The following DLG2 variants were observed in gnomAD, a reference collection of about 807,000 sequenced individuals.
DLG2 encodes the protein disks large homolog 2.
DLG2 carries 45 observed loss-of-function variants against 132.5 expected under a neutral mutation model. That is an observed-to-expected ratio of 0.34 (90% confidence interval 0.27 to 0.44). The LOEUF (loss-of-function observed/expected upper bound fraction) is 0.44, where lower values mean the gene tolerates loss of function less well. Ranked by LOEUF, DLG2 falls within the 20% of genes least tolerant of loss-of-function variation. DLG2 has a pLI of 1.00. For missense variants in DLG2, 1,045 were observed against 1,196.9 expected (o/e 0.87, Z 1.87); for synonymous variants, 424 against 419.6 (o/e 1.01, Z -0.13).
intron 18 of DLG2, among the ~76,000 whole-genome samples, chr11:83,706,215 C>CT (rs2083952204): frequency 8.1e-6 from 1 of 123,106 alleles, no homozygotes. Flanking sequence ...AAGACTCCAT[C>CT]TAAAAAAAAA....
At chr11:84,106,476 C>T (rs966899829) in intron 9 of DLG2, among the ~76,000 whole-genome samples, 1 of 152,000 alleles carries the variant, frequency 6.6e-6, no homozygotes, top group African/African-American at 2.4e-5. Flanking sequence ...TTTTTAAATG[C>T]TATCTAATAA....
chr11:83,513,076 T>C (rs2095120687), intron 21 of DLG2, among the ~76,000 whole-genome samples: 1 of 152,230 alleles, frequency 6.6e-6, no homozygotes, highest in Non-Finnish European at 1.5e-5. Context: ...CAAATGGTAT[T>C]TCTAGTTCTA....
chr11:83,587,702 G>A (rs1186407633), intron 19 of DLG2, among the ~76,000 whole-genome samples: 2 of 152,210 alleles, frequency 1.3e-5, no homozygotes, highest in Middle Eastern at 3.2e-3. Context: ...CAGAAGACGG[G>A]TGATTTCTGC....
At position 85,560,889 on chromosome 11, in the gene DLG2, A is replaced by G. The variant is rs558245885; in HGVS notation, c.40+37768T>C. Among the ~76,000 whole-genome samples, 6 of 151,392 alleles carry G rather than the reference A, an allele frequency of 4.0e-5. No individual in the cohort carries two copies. In the East Asian group the frequency reaches 9.7e-4, roughly 25 times the overall value. ...TCTACAAAAAATTTAAAAATTAGCC[A>G]GGTGTGATGGTGTGTGCTTGTAATC... On this transcript the variant is annotated intron_variant, in intron 3 of 27. Transcript: ENST00000376104.
At chr11:84,833,284 G>A (rs1290236937) in intron 6 of DLG2, among the ~76,000 whole-genome samples, 1 of 151,588 alleles carries the variant, frequency 6.6e-6, no homozygotes, top group Admixed American at 6.6e-5. Context: ...AGCAGGCAGA[G>A]GTAGCTGAAA....
At chr11:85,012,618 CA>C (rs1313625495) in intron 6 of DLG2, among the ~76,000 whole-genome samples, 1 of 151,794 alleles carries the variant, frequency 6.6e-6, no homozygotes. Flanking sequence ...AGTGGTAATA[CA>C]AATAATGAAA....
chr11:83,523,442 T>TA (rs1377134009), intron 21 of DLG2, among the ~76,000 whole-genome samples: 1 of 152,196 alleles, frequency 6.6e-6, no homozygotes, highest in African/African-American at 2.4e-5. Context: ...AGTTCATATG[T>TA]AAAAATCTTC....
intron 6 of DLG2, among the ~76,000 whole-genome samples, chr11:84,586,927 A>AT (rs1372196623): frequency 1.3e-5 from 2 of 152,316 alleles, no homozygotes; most frequent in Admixed American, 6.5e-5. Context: ...GTAATCTTAT[A>AT]TTGGGTTTCC....
At chr11:83,529,252 T>C (rs1357327165) in intron 21 of DLG2, among the ~76,000 whole-genome samples, 1 of 152,170 alleles carries the variant, frequency 6.6e-6, no homozygotes, top group Non-Finnish European at 1.5e-5. Flanking sequence ...CAATGACTTA[T>C]TCCTGTAGTC....
intron 19 of DLG2, among the ~76,000 whole-genome samples, chr11:83,595,202 A>G (rs994889168): frequency 1.3e-5 from 2 of 152,196 alleles, no homozygotes; most frequent in African/African-American, 4.8e-5. Context: ...GTTTTCTCCC[A>G]GCTCTTGGGT....
At chr11:84,986,773 A>C (rs955837541) in intron 6 of DLG2, among the ~76,000 whole-genome samples, 4 of 152,212 alleles carry the variant, frequency 2.6e-5, no homozygotes, top group African/African-American at 7.2e-5. Flanking sequence ...AGTGTAATAA[A>C]AGCCATCTAT....
At chr11:84,259,342 T>G (rs1217925939) in intron 7 of DLG2, among the ~76,000 whole-genome samples, 1 of 152,202 alleles carries the variant, frequency 6.6e-6, no homozygotes, top group East Asian at 1.9e-4. Context: ...TTCCTAGATT[T>G]TCTTCTCCTT....
intron 4 of DLG2, among the ~76,000 whole-genome samples, chr11:85,247,303 G>T (rs977306189): frequency 6.6e-6 from 1 of 152,000 alleles, no homozygotes; most frequent in Middle Eastern, 3.2e-3. Context: ...TACTGCTGCT[G>T]CATTTGCCTA....
At chr11:85,097,195 T>C (rs897963590) in intron 6 of DLG2, among the ~76,000 whole-genome samples, 5 of 152,204 alleles carry the variant, frequency 3.3e-5, no homozygotes, top group African/African-American at 9.6e-5. Flanking sequence ...CTGGTGCTTT[T>C]TTAGTTTCTC....
intron 8 of DLG2, among the ~76,000 whole-genome samples, chr11:84,245,156 T>C (rs907083664): frequency 5.3e-5 from 8 of 152,296 alleles, no homozygotes; most frequent in South Asian, 2.1e-4. Flanking sequence ...TCATTGCTAA[T>C]TCAATTGTGT....
intron 4 of DLG2, among the ~76,000 whole-genome samples, chr11:85,178,144 T>G (rs1207430234): frequency 6.6e-6 from 1 of 152,010 alleles, no homozygotes; most frequent in Non-Finnish European, 1.5e-5. Flanking sequence ...TAATAAGATC[T>G]ATAAGAATAG....
intron 18 of DLG2, among the ~76,000 whole-genome samples, chr11:83,774,466 T>C (rs944919715): frequency 3.9e-5 from 6 of 152,182 alleles, no homozygotes; most frequent in Non-Finnish European, 8.8e-5. Flanking sequence ...AGATAAAGAA[T>C]GAGACTCCAA....
At chr11:85,418,596 T>C (rs2090050766) in intron 3 of DLG2, among the ~76,000 whole-genome samples, 1 of 152,228 alleles carries the variant, frequency 6.6e-6, no homozygotes, top group African/African-American at 2.4e-5. Flanking sequence ...TGTAAGTCTC[T>C]AAGAACTTGA....
chr11:85,607,718 GC>G (rs2080681492), intron 2 of DLG2, among the ~76,000 whole-genome samples: 1 of 152,160 alleles, frequency 6.6e-6, no homozygotes, highest in African/African-American at 2.4e-5. Flanking sequence ...AGACAAGCAG[GC>G]CTAATAAAGG....
Sources: gnomAD v4.1 joint callset for allele counts (sites outside exome capture counted in the v4.1 genomes callset) on GRCh38, gnomAD v4.1.1 for gene constraint, MANE v1.5 for transcripts, NCBI Gene and HGNC (gene_info 2026-07-23, HGNC 2026-07-21) for gene names.